LAT2: variants seen among roughly 807,000 people sequenced by gnomAD.
The protein encoded by LAT2 is linker for activation of T-cells family member 2.
Under a neutral mutation model 43.4 loss-of-function variants are expected in LAT2, and 23 were observed. That is an observed-to-expected ratio of 0.53 (90% CI 0.38 to 0.75). The LOEUF (loss-of-function observed/expected upper bound fraction) is 0.75, where lower values mean the gene tolerates loss of function less well. LAT2 is among the 30% of genes least tolerant of loss of function. The probability of loss-of-function intolerance (pLI) is 0.00; values close to 1 mark genes in which losing one functional copy is unlikely to be tolerated. For missense variants in LAT2, 284 were observed against 310.2 expected (o/e 0.92, Z 0.64); for synonymous variants, 128 against 123.2 (o/e 1.04, Z -0.26).
At chr7:74,228,788 CAAA>C (rs782556105) in intron 13 of LAT2, among the ~76,000 whole-genome samples, 153 bp from the exon 14 acceptor site, 1 of 136,064 alleles carries the variant, frequency 7.3e-6, no homozygotes, top group Non-Finnish European at 1.6e-5. Context: ...GACTCCATCT[CAAA>C]AAAAAAAAAA....
At position 74,216,872 on chromosome 7, in the gene LAT2, G is replaced by C; in HGVS notation, c.134+8G>C. On this transcript the variant is annotated splice_region_variant and intron_variant, in intron 4 of 13. Coordinates refer to ENST00000460943, the MANE Select transcript of LAT2 (RefSeq NM_032464.3). ...CTACCAGCAGAGAAGTCTGTGAGTT[G>C]CCTCGATGTCCCTAGCCTGGTGTAT... 1 of 1,612,922 alleles carries C rather than the reference G, an allele frequency of 6.2e-7. No homozygotes were observed. The highest frequency in any genetic ancestry group is 8.5e-7 in the Non-Finnish European group (1 of 1,179,018).
At chr7:74,214,690 A>T (rs1300964253) in intron 1 of LAT2, 132 bp from the exon 2 acceptor site, 4 of 77,604 alleles carry the variant, frequency 5.2e-5, no homozygotes, top group Non-Finnish European at 6.7e-5. Context: ...ATATGAAAAT[A>T]ATATATATAA....
rs1554713634 is a variant in LAT2, at chr7:74,214,124, ATAAATATATATATG to A, written c.-218-697_-218-684del. 5.3e-4 allele frequency among the ~76,000 whole-genome samples: 33 copies of A among 62,134 alleles called. 5 individuals are homozygous for A. Among genetic ancestry groups the A allele is most frequent in the African/African-American group, 2.2e-3 (30 of 13,534 alleles). 40.8% of individuals were successfully genotyped at this position (62,134 alleles called of 152,430 possible). A position where few individuals can be genotyped will look rare whatever the true frequency, so the allele number is the denominator to read the frequency against. Reference sequence around the variant, plus strand: ...TAAATATATATATGAAAATATATATATAAATATATATATGAAAATATATATAAATATATATATGA... The same window carrying A: ...TAAATATATATATGAAAATATATATAAAAATATATATAAATATATATATGA... On this transcript the variant is annotated intron_variant, in intron 1 of 13. Coordinates refer to ENST00000460943, the MANE Select transcript of LAT2 (RefSeq NM_032464.3).
chr7:74,223,687 GC>G, intron 10 of LAT2, 36 bp from the exon 11 acceptor site: 2 of 1,597,252 alleles, frequency 1.3e-6, no homozygotes, highest in African/African-American at 2.7e-5. Context: ...TGCAGGGTCT[GC>G]CCACACCCCC....
chr7:74,213,063 A>G (rs1381831901), intron 1 of LAT2, among the ~76,000 whole-genome samples: 1 of 152,070 alleles, frequency 6.6e-6, no homozygotes, highest in African/African-American at 2.4e-5. Flanking sequence ...GTCCTGGTGG[A>G]CCTCAGGGGG....
chr7:74,223,645 G>A (rs1440336592), intron 10 of LAT2, 79 bp from the exon 11 acceptor site: 12 of 1,369,320 alleles, frequency 8.8e-6, no homozygotes, highest in Non-Finnish European at 1.0e-5. Flanking sequence ...GCAAAGGGAA[G>A]GCAGGACAGA....
chr7:74,226,404 C>T (rs535738370), intron 13 of LAT2: 1 of 152,238 alleles, frequency 6.6e-6, no homozygotes, highest in Admixed American at 6.6e-5. Flanking sequence ...CCTGGGAGGT[C>T]AAGGTTGCAA....
At position 74,220,586 on chromosome 7, in the gene LAT2, C is replaced by G; in HGVS notation, c.268C>G (p.Pro90Ala). The G allele has an allele frequency of 6.2e-7, 1 of 1,614,050 alleles. No individual in the cohort carries two copies. The highest frequency in any genetic ancestry group is 8.5e-7 in the Non-Finnish European group (1 of 1,179,960). Residue 90 changes from proline to alanine, a missense_variant and splice_region_variant, in exon 8 of 14, where the codon CCA becomes GCA. Pro to Ala is a conservative substitution (Grantham distance 27, BLOSUM62 -1). Coordinates refer to ENST00000460943, the MANE Select transcript of LAT2 (RefSeq NM_032464.3). This position sits in a 1 kb window ranked among gnomAD's most constrained non-coding sequence, Gnocchi z 4.5. ...AATTAGCTGGGTCTTTCTTCCAGAT[C>G]CAGCATCTTCCAGGTACCAGAACTT... The part of the protein sequence containing the change: ...LLQFYPSLED[P>A]ASSRYQNFSK...
At chr7:74,212,483 T>G (rs1801765311) in intron 1 of LAT2, among the ~76,000 whole-genome samples, 1 of 151,940 alleles carries the variant, frequency 6.6e-6, no homozygotes, top group Admixed American at 6.6e-5. Flanking sequence ...GGTTTCACCA[T>G]GTTGGCCAAG....
chr7:74,213,420 CAT>C (rs1801801943), intron 1 of LAT2, among the ~76,000 whole-genome samples: 2 of 136,288 alleles, frequency 1.5e-5, no homozygotes, highest in South Asian at 2.4e-4. Flanking sequence ...TGTGCCCGGC[CAT>C]TTTTTTTTTT....
At chr7:74,221,160 A>T (rs1554715180) in intron 9 of LAT2, among the ~76,000 whole-genome samples, 1 of 152,098 alleles carries the variant, frequency 6.6e-6, no homozygotes, top group Non-Finnish European at 1.5e-5. Context: ...TCATGCCTGT[A>T]ATCCCAGGAC....
intron 1 of LAT2, among the ~76,000 whole-genome samples, chr7:74,212,878 C>T (rs1443124081): frequency 6.6e-6 from 1 of 152,152 alleles, no homozygotes; most frequent in Non-Finnish European, 1.5e-5. Context: ...TCACTTGTTC[C>T]CACTGACTCA....
At chr7:74,216,180 C>G (rs1802040856) in intron 3 of LAT2, 111 bp downstream of exon 3, 2 of 841,472 alleles carry the variant, frequency 2.4e-6, no homozygotes, top group African/African-American at 1.7e-5. Flanking sequence ...AGATGAACCT[C>G]GTGATGTGAC....
At chr7:74,222,714 C>T (rs1284208368) in intron 10 of LAT2, among the ~76,000 whole-genome samples, 1 of 152,088 alleles carries the variant, frequency 6.6e-6, no homozygotes, top group Non-Finnish European at 1.5e-5. Context: ...GCTGAGATTA[C>T]AGGCGCCTGC....
At position 74,220,759 on chromosome 7, in the gene LAT2, CCT is replaced by C; in HGVS notation, c.332+26_332+27del. 1.3e-6 allele frequency: 2 copies of C among 1,511,222 alleles called. No individual in the cohort carries two copies. The highest frequency in any genetic ancestry group is 1.8e-6 in the Non-Finnish European group (2 of 1,119,520). The allele number at this position is 1,511,222 out of a possible 1,614,324, so 93.6% of individuals were successfully genotyped here. A position where few individuals can be genotyped will look rare whatever the true frequency, so the allele number is the denominator to read the frequency against. On this transcript the variant is annotated intron_variant, in intron 9 of 13. Coordinates refer to ENST00000460943, the MANE Select transcript of LAT2 (RefSeq NM_032464.3). The surrounding 1 kb of genome is among the most constrained non-coding windows in gnomAD (Gnocchi z 4.5). ...TGTGAGTGACCTTGATCCTGTCCCC[CCT>C]GCCTCGCCTCTCCCCCTGCCCCACC...
chr7:74,226,163 AG>A (rs1802476199), intron 13 of LAT2: 1 of 148,674 alleles, frequency 6.7e-6, no homozygotes, highest in African/African-American at 2.5e-5. Flanking sequence ...TTTTTGAGAC[AG>A]AGTATCACTG....
At position 74,220,462 on chromosome 7, in the gene LAT2, A is replaced by G. The variant is rs1802224124; in HGVS notation, c.266-122A>G. The G allele has an allele frequency of 2.2e-6, 3 of 1,344,512 alleles. No homozygotes were observed. Among genetic ancestry groups the G allele is most frequent in the Admixed American group, 1.9e-5 (1 of 52,882 alleles). 83.3% of individuals were successfully genotyped at this position (1,344,512 alleles called of 1,614,324 possible). A position where few individuals can be genotyped will look rare whatever the true frequency, so the allele number is the denominator to read the frequency against. On this transcript the variant is annotated intron_variant, in intron 7 of 13. Coordinates refer to ENST00000460943, the MANE Select transcript of LAT2 (RefSeq NM_032464.3). This position sits in a 1 kb window ranked among gnomAD's most constrained non-coding sequence, Gnocchi z 4.5. The stretch of plus-strand genomic sequence containing the variant: ...CACTCGCACATGCCCCACTGAGGGG[A>G]CAGGGAGCACTGCAAAGGCTCAGAC...
Position 74,216,186 on chromosome 7 carries a change from G to A in LAT2, c.94+117G>A, listed in dbSNP as rs551504067. 24 of 813,090 alleles carry A rather than the reference G, an allele frequency of 3.0e-5. No homozygotes were observed. The African/African-American group carries it at 3.7e-4, about 12-fold the overall frequency. 50.4% of individuals were successfully genotyped at this position (813,090 alleles called of 1,614,324 possible). A position where few individuals can be genotyped will look rare whatever the true frequency, so the allele number is the denominator to read the frequency against. On this transcript the variant is annotated intron_variant, in intron 3 of 13. Transcript: ENST00000460943. ...GAGGTGGTCAGATGAACCTCGTGAT[G>A]TGACCCCTGACCCCTAAACTGCCCC...
Position 74,222,513 on chromosome 7 carries a change from G to A in LAT2, c.388+821G>A, listed in dbSNP as rs557064709. On this transcript the variant is annotated intron_variant, in intron 10 of 13. Transcript: ENST00000460943. ...AATCCAGCTCCATGACCTGGCTCCT[G>A]CCTGGACCATACTGGGTAGGACCAT... Among the ~76,000 whole-genome samples the A allele has an allele frequency of 2.0e-5, 3 of 152,034 alleles. No homozygotes were observed. The East Asian group carries it at 5.8e-4, about 29-fold the overall frequency.
Sources: gnomAD v4.1 joint callset for allele counts (sites outside exome capture counted in the v4.1 genomes callset) on GRCh38, gnomAD v4.1.1 for gene constraint, Gnocchi (gnomAD v3.1) non-coding constraint, MANE v1.5 for transcripts, NCBI Gene and HGNC (gene_info 2026-07-23, HGNC 2026-07-21) for gene names.